Variants in FHOD3 observed in about 807,000 individuals in gnomAD.
The protein encoded by FHOD3 is formin homology 2 domain containing 3.
FHOD3 carries 90 observed loss-of-function variants against 173.0 expected under a neutral mutation model. That is an observed-to-expected ratio of 0.52 (90% CI 0.44 to 0.62). FHOD3 has a LOEUF of 0.62. Ranked by LOEUF, FHOD3 falls within the 20% of genes least tolerant of loss-of-function variation. The pLI, the probability that FHOD3 is intolerant of heterozygous loss-of-function variation, is 0.00. For missense variants in FHOD3, 1,945 were observed against 2,034.7 expected (o/e 0.96, Z 0.85); for synonymous variants, 828 against 823.0 (o/e 1.01, Z -0.10).
intron 4 of FHOD3, among the ~76,000 whole-genome samples, chr18:36,509,059 A>G (rs1397072680): frequency 6.6e-6 from 1 of 152,258 alleles, no homozygotes; most frequent in African/African-American, 2.4e-5. Context: ...ACAGAGGTAC[A>G]TGTTAAACTA....
chr18:36,703,309 G>A (rs1473813686), intron 17 of FHOD3, among the ~76,000 whole-genome samples: 2 of 152,142 alleles, frequency 1.3e-5, no homozygotes, highest in South Asian at 2.1e-4. Flanking sequence ...GAACTTCCAG[G>A]GGCTGAGCCA....
chr18:36,568,205 G>A (rs1195295959), intron 5 of FHOD3, among the ~76,000 whole-genome samples: 4 of 149,480 alleles, frequency 2.7e-5, no homozygotes, highest in Non-Finnish European at 4.4e-5. Context: ...AGGCATGGTG[G>A]TGCACATCTG....
intron 4 of FHOD3, 30 bp from the exon 5 acceptor site, chr18:36,512,408 T>A: frequency 2.0e-6 from 3 of 1,521,600 alleles, no homozygotes; most frequent in Non-Finnish European, 2.7e-6. Context: ...GGGACAGTAT[T>A]TGAAGTATTT....
chr18:36,536,775 C>T (rs1422827364), intron 5 of FHOD3, among the ~76,000 whole-genome samples: 1 of 152,206 alleles, frequency 6.6e-6, no homozygotes, highest in Non-Finnish European at 1.5e-5. Context: ...GCAGTGGCTG[C>T]ATCATACCCA....
chr18:36,492,611 C>T (rs1159002297), intron 3 of FHOD3, among the ~76,000 whole-genome samples: 1 of 152,134 alleles, frequency 6.6e-6, no homozygotes, highest in African/African-American at 2.4e-5. Flanking sequence ...GGTTTATATA[C>T]TCATAAGTAT....
At chr18:36,520,289 A>T (rs2056210751) in intron 5 of FHOD3, among the ~76,000 whole-genome samples, 5 of 152,132 alleles carry the variant, frequency 3.3e-5, no homozygotes, top group Admixed American at 3.3e-4. Context: ...CTTAAGTATA[A>T]GTTAATTATG....
chr18:36,682,907 A>T (rs977392449), intron 15 of FHOD3, among the ~76,000 whole-genome samples: 3 of 152,222 alleles, frequency 2.0e-5, no homozygotes, highest in Non-Finnish European at 4.4e-5. Flanking sequence ...GAAGCCAAGA[A>T]GTATATGTGT....
chr18:36,677,419 G>C (rs2037935578), intron 14 of FHOD3, among the ~76,000 whole-genome samples: 1 of 152,148 alleles, frequency 6.6e-6, no homozygotes, highest in Non-Finnish European at 1.5e-5. Flanking sequence ...AAAGTGCTGG[G>C]ATTACAGACA....
At chr18:36,406,087 T>G (rs1045339791) in intron 3 of FHOD3, among the ~76,000 whole-genome samples, 72 of 143,298 alleles carry the variant, frequency 5.0e-4, no homozygotes, top group African/African-American at 1.9e-3. Flanking sequence ...TTTTTTGTTT[T>G]TGTTTTTGTT....
Position 36,501,980 on chromosome 18 carries a change from C to T in FHOD3, c.386C>T (p.Ser129Phe). The change falls in exon 4 of 29, where the codon TCC (serine) becomes TTC (phenylalanine). Residue 129 changes from serine (S) to phenylalanine (F), a missense_variant. Ser to Phe is a radical substitution (Grantham distance 155). This residue lies in a region of FHOD3 where 245 missense variants were observed against 267.7 expected (regional missense o/e 0.92). Transcript: ENST00000590592. ...SGRDLRRALF[S>F]LKQIFQDDKD... is the part of the protein sequence containing the mutation. ...CGAGATTTGAGAAGGGCCCTCTTCT[C>T]CCTGAAGCAGATATTTCAGGTAAAT... 6.2e-7 allele frequency: 1 copy of T among 1,605,478 alleles called. No homozygotes were observed. The highest frequency in any genetic ancestry group is 8.5e-7 in the Non-Finnish European group (1 of 1,175,296).
intron 3 of FHOD3, among the ~76,000 whole-genome samples, chr18:36,413,774 A>G (rs934229272): frequency 1.3e-4 from 20 of 152,216 alleles, no homozygotes; most frequent in Non-Finnish European, 5.9e-5. Context: ...GAAGAATTCC[A>G]TTTTAACCAT....
intron 7 of FHOD3, among the ~76,000 whole-genome samples, chr18:36,597,755 T>G (rs1451496788): frequency 6.6e-6 from 1 of 152,138 alleles, no homozygotes; most frequent in Non-Finnish European, 1.5e-5. Flanking sequence ...ATACAATTTC[T>G]TAAACCTTTG....
In FHOD3 at chr18:36,671,151, G is replaced by GTC. The variant is rs745682123; in HGVS notation, c.1836-10273_1836-10272dup. ...GGAAACCTTCTGCAGATGTACAGAG[G>GTC]TCTCTCTCTCTCTGTATAGACCCTT... On this transcript the variant is annotated intron_variant, in intron 14 of 28. Transcript: ENST00000590592. 1.6e-4 allele frequency among the ~76,000 whole-genome samples: 24 copies of GTC among 152,160 alleles called. 1 individual carries two copies. The highest frequency in any genetic ancestry group is 6.2e-4 in the South Asian group (3 of 4,818).
intron 5 of FHOD3, among the ~76,000 whole-genome samples, chr18:36,576,203 A>C (rs2058642417): frequency 6.6e-6 from 1 of 152,194 alleles, no homozygotes. Context: ...CACAGAAACA[A>C]CAATCACTGG....
At chr18:36,339,831 C>G (rs893245612) in intron 1 of FHOD3, among the ~76,000 whole-genome samples, 12 of 152,198 alleles carry the variant, frequency 7.9e-5, no homozygotes, top group African/African-American at 2.9e-4. Context: ...TCAAAAGAGA[C>G]TGCTGATGGA....
At position 36,625,550 on chromosome 18, in the gene FHOD3, C is replaced by A; in HGVS notation, c.997C>A (p.Pro333Thr). Residue 333 changes from proline to threonine, a missense_variant, in exon 10 of 29, where the codon CCA (proline) becomes ACA (threonine). By Grantham distance (38) the Pro-to-Thr change is conservative. Around this residue, in one of 5 missense-constraint regions of FHOD3, gnomAD observed 1,099 missense variants for 1,051.2 expected, o/e 1.05. Coordinates refer to ENST00000590592, the MANE Select transcript of FHOD3 (RefSeq NM_001281740.3). ...RHEDGDETTE[P>T]PPSGCRDRRR... ...CGAGGATGGCGATGAGACCACGGAG[C>A]CACCCCCCAGTGGGTGCCGGGACCG... 1 of 1,497,360 alleles carries A rather than the reference C, an allele frequency of 6.7e-7. No individual in the cohort carries two copies. The highest frequency in any genetic ancestry group is 1.3e-5 in the South Asian group (1 of 76,584). The allele number at this position is 1,497,360 out of a possible 1,614,324, so 92.8% of individuals were successfully genotyped here.
At chr18:36,568,177 A>AT (rs1347968955) in intron 5 of FHOD3, among the ~76,000 whole-genome samples, 2 of 94,028 alleles carry the variant, frequency 2.1e-5, no homozygotes, top group Admixed American at 1.3e-4. Flanking sequence ...TACAAAAAAA[A>AT]AAAAAAATAA....
At chr18:36,646,379 G>T (rs968917006) in intron 10 of FHOD3, among the ~76,000 whole-genome samples, 1 of 152,142 alleles carries the variant, frequency 6.6e-6, no homozygotes, top group African/African-American at 2.4e-5. Context: ...ATAGCAGTAA[G>T]ATTAGGTCTA....
chr18:36,765,962 C>T (rs2043121549), intron 27 of FHOD3, among the ~76,000 whole-genome samples: 1 of 151,762 alleles, frequency 6.6e-6, no homozygotes, highest in African/African-American at 2.4e-5. Context: ...AAATATCAAC[C>T]AACATATTTA....
Sources: gnomAD v4.1 joint callset for allele counts (sites outside exome capture counted in the v4.1 genomes callset) on GRCh38, gnomAD v4.1.1 for gene constraint, gnomAD v4.1.1 regional missense constraint, MANE v1.5 for transcripts, NCBI Gene and HGNC (gene_info 2026-07-23, HGNC 2026-07-21) for gene names.